PHF8: variants seen among roughly 807,000 people sequenced by gnomAD.
PHF8 encodes histone lysine demethylase PHF8.
Under a neutral mutation model 74.4 loss-of-function variants are expected in PHF8, and 9 were observed. The observed-to-expected ratio is 0.12, with a 90% CI of 0.07 to 0.21. The LOEUF is 0.21. Among genes scored for constraint, PHF8 ranks in the 10% least tolerant of loss-of-function variants. The pLI is 1.00. For missense variants in PHF8, 478 were observed against 816.6 expected (o/e 0.59, Z 5.05); for synonymous variants, 311 against 316.6 (o/e 0.98, Z 0.19).
At chrX:54,030,657 T>C (rs782789712) in intron 2 of PHF8, among the ~76,000 whole-genome samples, 7 of 111,857 alleles carry the variant, frequency 6.3e-5, no homozygotes, top group African/African-American at 1.3e-4. Flanking sequence ...TAAAAGGCAC[T>C]GAGAAAAAAA....
intron 2 of PHF8, among the ~76,000 whole-genome samples, chrX:54,031,646 C>G (rs1029910298): frequency 3.6e-5 from 4 of 109,719 alleles, no homozygotes; most frequent in Admixed American, 9.7e-5. Context: ...TGCCCCATTA[C>G]TCTAGTCCCC....
intron 18 of PHF8, among the ~76,000 whole-genome samples, chrX:53,982,750 G>A (rs1179654890): frequency 8.9e-6 from 1 of 112,155 alleles, no homozygotes; most frequent in Non-Finnish European, 1.9e-5. Context: ...TACTGATGTG[G>A]AAAAAAATAA....
chrX:54,036,593 A>C (rs1437179205), intron 2 of PHF8, among the ~76,000 whole-genome samples: 2 of 105,791 alleles, frequency 1.9e-5, no homozygotes, highest in African/African-American at 3.5e-5. Flanking sequence ...AAAAAAAAAA[A>C]AAAAAAACTT....
Position 53,943,427 on chromosome X carries a change from T to C in PHF8, c.2649+707A>G, listed in dbSNP as rs782455821. On this transcript the variant is annotated intron_variant, in intron 20 of 21. Coordinates refer to ENST00000338154, the MANE Select transcript of PHF8 (RefSeq NM_015107.3). ...CCTATAAAATGATGAAAATATCACC[T>C]GTTGAACAGGGCTATTGGGCAGATA... is the stretch of plus-strand genomic sequence containing the variant. 389 of 1,061,012 alleles carry C rather than the reference T, an allele frequency of 3.7e-4. 3 individuals are homozygous for C. In the South Asian group the frequency reaches 8.9e-3, roughly 24 times the overall value. The allele number at this position is 1,061,012 out of a possible 1,213,427, so 87.4% of individuals were successfully genotyped here. A position where few individuals can be genotyped will look rare whatever the true frequency, so the allele number is the denominator to read the frequency against.
rs782713827 is a variant in PHF8 at position 53,997,317 on chromosome X, CCTTT to C, written c.1234-1539_1234-1536del. On this transcript the variant is annotated intron_variant, in intron 11 of 21. Coordinates refer to ENST00000338154, the MANE Select transcript of PHF8 (RefSeq NM_015107.3). ...TTTATGTAGATCTCAAGGTTTTCTT[CCTTT>C]GTGATTTTTTTTCTACCACTTTTCA... Among the ~76,000 whole-genome samples the C allele has an allele frequency of 1.6e-4, 18 of 111,370 alleles. No individual in the cohort carries two copies. In the East Asian group the frequency reaches 3.4e-3, roughly 21 times the overall value.
intron 4 of PHF8, among the ~76,000 whole-genome samples, chrX:54,021,759 C>T (rs941387743): frequency 4.5e-5 from 5 of 110,602 alleles, no homozygotes; most frequent in African/African-American, 1.3e-4. Context: ...TGAGCCACCG[C>T]GCCCGGCCAG....
intron 14 of PHF8, among the ~76,000 whole-genome samples, chrX:53,990,564 G>T (rs781886706): frequency 1.7e-4 from 19 of 111,202 alleles, no homozygotes; most frequent in Non-Finnish European, 3.0e-4. Context: ...AATATTCAAC[G>T]GTCTCTCTAA....
At chrX:54,045,736 A>C (rs1036451667), upstream of PHF8, among the ~76,000 whole-genome samples, 10 of 112,529 alleles carry the variant, frequency 8.9e-5, no homozygotes, top group African/African-American at 3.2e-4. Flanking sequence ...GGAGGCACAT[A>C]GAAAAATATT....
chrX:53,993,511 G>C, intron 13 of PHF8, 90 bp downstream of exon 13: 1 of 771,430 alleles, frequency 1.3e-6, no homozygotes, highest in Non-Finnish European at 2.0e-6. Flanking sequence ...AAGGGACATG[G>C]CAGCCAGACA....
chrX:54,023,765 C>CAGGAGATTG (rs1462939933), intron 2 of PHF8, among the ~76,000 whole-genome samples: 1 of 102,293 alleles, frequency 9.8e-6, no homozygotes, highest in Non-Finnish European at 2.0e-5. Context: ...CCCTTGAACC[C>CAGGAGATTG]AGGAGATTGA....
chrX:54,044,786 A>G, upstream of PHF8: 1 of 740,493 alleles, frequency 1.4e-6, no homozygotes, highest in South Asian at 2.6e-5. Flanking sequence ...TCCTCCTATG[A>G]GAGGAGGTGA....
chrX:53,963,019 G>T, intron 18 of PHF8, 80 bp from the exon 19 acceptor site: 1 of 603,918 alleles, frequency 1.7e-6, no homozygotes, highest in Non-Finnish European at 2.9e-6. Context: ...TCCAGCTCCT[G>T]CCCTTCCCCT....
rs1557100152 is a variant in PHF8 at position 53,987,876 on chromosome X, C to T, written c.1799G>A (p.Arg600Lys). The T allele has an allele frequency of 8.3e-7, 1 of 1,208,113 alleles. No individual in the cohort carries two copies. Among genetic ancestry groups the T allele is most frequent in the South Asian group, 1.8e-5 (1 of 56,823 alleles). The part of the protein sequence containing the change: ...TKIAKKVDKA[R>K]LMAEQVMEDE... ...TTCCATCACCTGTTCTGCCATCAGC[C>T]TAGCCTTGTCTACCTTCTTTGCTAT... Residue 600 changes from arginine (R) to lysine (K), a missense_variant, in exon 15 of 22, where the codon AGG becomes AAG. Transcript: ENST00000338154.
intron 18 of PHF8, among the ~76,000 whole-genome samples, chrX:53,977,018 T>A (rs1318121009): frequency 8.9e-6 from 1 of 112,315 alleles, no homozygotes; most frequent in Non-Finnish European, 1.9e-5. Flanking sequence ...ACAGATAACC[T>A]GAAAATTCTA....
In PHF8 at chrX:54,017,674, A is replaced by C. The variant is rs148215758; in HGVS notation, c.441T>G (p.Val147=). ...LPSPSFTVRD[V]EHYVGSDKEI... ...GTAGTGTCTTACCAACATAGTGTTC[A>C]ACATCCCTCACAGTGAATGATGGCG... is the stretch of plus-strand genomic sequence containing the variant. Residue 147 remains valine, a synonymous_variant, in exon 5 of 22, where the codon GTT becomes GTG. Transcript: ENST00000338154. 36,592 of 1,206,266 alleles carry C rather than the reference A, an allele frequency of 0.03. 446 individuals are homozygous for C. The highest frequency in any genetic ancestry group is 0.036 in the Middle Eastern group (155 of 4,340).
In PHF8 at chrX:54,017,743, G is replaced by A. The variant is rs1402459641; in HGVS notation, c.372C>T (p.Pro124=). 5 of 1,204,572 alleles carry A rather than the reference G, an allele frequency of 4.2e-6. No homozygotes were observed. In the Admixed American group the frequency reaches 1.1e-4, roughly 26 times the overall value. ...ACCCATCCTTCTTCAGGACCAGGATGGGCACACTGAAGCTATTTTCTTCCA... is the reference window on the plus strand; with the variant it reads ...ACCCATCCTTCTTCAGGACCAGGATAGGCACACTGAAGCTATTTTCTTCCA... ...EFLEENSFSV[P]ILVLKKDGLG... The change falls in exon 5 of 22, where the codon CCC becomes CCT. Residue 124 remains proline, a synonymous_variant. Coordinates refer to ENST00000338154, the MANE Select transcript of PHF8 (RefSeq NM_015107.3).
intron 18 of PHF8, among the ~76,000 whole-genome samples, chrX:53,973,642 C>T (rs943899814): frequency 5.4e-5 from 6 of 111,473 alleles, no homozygotes; most frequent in African/African-American, 2.0e-4. Context: ...CAAGAATTAA[C>T]GCAAGATGAA....
intron 2 of PHF8, among the ~76,000 whole-genome samples, chrX:54,039,228 T>G (rs1409593515): frequency 1.8e-5 from 2 of 111,109 alleles, no homozygotes; most frequent in African/African-American, 6.5e-5. Flanking sequence ...GGCTTAACTC[T>G]TGCAAGCAAC....
At chrX:54,000,063 T>C in intron 10 of PHF8, 102 bp from the exon 11 acceptor site, 1 of 538,136 alleles carries the variant, frequency 1.9e-6, no homozygotes, top group Admixed American at 2.6e-5. Context: ...CTCAAGGTTC[T>C]GAGCACAACT....
Sources: allele counts gnomAD v4.1 joint callset (sites outside exome capture counted in the v4.1 genomes callset), GRCh38; gene constraint gnomAD v4.1.1; transcripts MANE v1.5; gene names NCBI Gene and HGNC (gene_info 2026-07-23, HGNC 2026-07-21).